The following GNB4 variants were observed in gnomAD, a reference collection of about 807,000 sequenced individuals.
The protein encoded by GNB4 is guanine nucleotide-binding protein subunit beta-4.
In GNB4, 28 loss-of-function variants were observed where a neutral mutation model predicts 45.2. The observed-to-expected ratio is 0.62, with a 90% CI of 0.46 to 0.85. The LOEUF (loss-of-function observed/expected upper bound fraction) is 0.85, where lower values mean the gene tolerates loss of function less well. Ranked by LOEUF, GNB4 falls within the 40% of genes least tolerant of loss-of-function variation. The pLI is 0.00. For synonymous variants in GNB4, 132 were observed against 143.7 expected, an observed-to-expected ratio of 0.92 and a Z score of 0.58; for missense variants, 321 against 425.4, an observed-to-expected ratio of 0.75 and a Z score of 2.16.
chr3:179,520,661 T>A, the GNB4 span, among the ~76,000 whole-genome samples: 1 of 152,114 alleles, frequency 6.6e-6, no homozygotes, highest in South Asian at 2.1e-4. Context: ...CTGTACTCAC[T>A]CTTTGTTGAG....
chr3:179,518,967 T>C, the GNB4 span, among the ~76,000 whole-genome samples: 3 of 152,166 alleles, frequency 2.0e-5, no homozygotes, highest in African/African-American at 4.8e-5. Context: ...CTTCAAGGTG[T>C]ACAATAAAAG....
intron 1 of GNB4, among the ~76,000 whole-genome samples, chr3:179,439,713 T>C (rs1358118717): frequency 6.6e-6 from 1 of 151,074 alleles, no homozygotes; most frequent in African/African-American, 2.5e-5. Flanking sequence ...GATTCGCTGA[T>C]TCAGACAAAG....
At chr3:179,450,405 G>C (rs1213798539) in intron 1 of GNB4, among the ~76,000 whole-genome samples, 3 of 152,152 alleles carry the variant, frequency 2.0e-5, no homozygotes, top group Non-Finnish European at 4.4e-5. Flanking sequence ...TGTACTTAAT[G>C]GTCATAAACT....
Position 179,413,770 on chromosome 3 carries a change from A to T in GNB4, c.442T>A (p.Cys148Ser), listed in dbSNP as rs1429474978. The part of the protein sequence containing the change: ...ELPGHTGYLS[C>S]CRFLDDSQIV... ...TGGCTGTCATCTAAAAAACGACAGC[A>T]GGACAAGTACCCTACAGCATAAAGA... The change falls in exon 7 of 10, where the codon TGC (cysteine) becomes AGC (serine). Residue 148 changes from cysteine (C) to serine (S), a missense_variant. By Grantham distance (112) the Cys-to-Ser change is moderately radical. Transcript: ENST00000232564. 1 of 1,614,022 alleles carries T rather than the reference A, an allele frequency of 6.2e-7. No individual in the cohort carries two copies. The highest frequency in any genetic ancestry group is 1.7e-5 in the Admixed American group (1 of 60,022).
At chr3:179,466,409 G>C in the GNB4 span, among the ~76,000 whole-genome samples, 1 of 151,922 alleles carries the variant, frequency 6.6e-6, no homozygotes, top group Non-Finnish European at 1.5e-5. Flanking sequence ...TTTTGGCTTT[G>C]GGCTAAGCAG....
chr3:179,458,422 G>T, the GNB4 span, among the ~76,000 whole-genome samples: 3 of 152,320 alleles, frequency 2.0e-5, 1 homozygote, highest in East Asian at 5.8e-4. Flanking sequence ...CACAGTATTG[G>T]CAGGGTAATG....
At chr3:179,474,737 C>CTTTTTTTTT in the GNB4 span, among the ~76,000 whole-genome samples, 16 of 59,722 alleles carry the variant, frequency 2.7e-4, no homozygotes, top group African/African-American at 3.7e-4. Flanking sequence ...AGACTGGGTC[C>CTTTTTTTTT]TTTTTTTTTT....
the GNB4 span, among the ~76,000 whole-genome samples, chr3:179,457,489 G>C: frequency 6.6e-6 from 1 of 152,104 alleles, no homozygotes; most frequent in Non-Finnish European, 1.5e-5. Context: ...CTCTCTCTGG[G>C]GTCTCACTCA....
chr3:179,437,422 G>A (rs1422123792), intron 1 of GNB4, among the ~76,000 whole-genome samples: 16 of 151,744 alleles, frequency 1.1e-4, no homozygotes, highest in Non-Finnish European at 2.2e-4. Context: ...AAAATCAGCC[G>A]GGCATGGTGG....
intron 1 of GNB4, among the ~76,000 whole-genome samples, chr3:179,434,176 C>T (rs1486386758): frequency 6.6e-6 from 1 of 152,160 alleles, no homozygotes; most frequent in Non-Finnish European, 1.5e-5. Context: ...AGTGTTCATA[C>T]AGCACTACTT....
intron 9 of GNB4, 105 bp downstream of exon 9, chr3:179,405,085 C>T: frequency 2.7e-6 from 2 of 734,864 alleles, no homozygotes; most frequent in Non-Finnish European, 4.4e-6. Context: ...ATCGGGTTAC[C>T]ACTTTCCACA....
chr3:179,416,385 A>G, intron 5 of GNB4, 108 bp downstream of exon 5: 2 of 660,982 alleles, frequency 3.0e-6, no homozygotes, highest in Non-Finnish European at 5.2e-6. Context: ...TAAACAATAA[A>G]TTTATCTCAG....
At chr3:179,460,816 AT>A in the GNB4 span, among the ~76,000 whole-genome samples, 1 of 151,984 alleles carries the variant, frequency 6.6e-6, no homozygotes, top group African/African-American at 2.4e-5. Flanking sequence ...GTAATATATA[AT>A]TTTTTATCTT....
At chr3:179,502,228 C>CTTTTTTTTTT in the GNB4 span, among the ~76,000 whole-genome samples, 2 of 73,464 alleles carry the variant, frequency 2.7e-5, no homozygotes, top group African/African-American at 5.1e-5. Flanking sequence ...TTTTTCTTTT[C>CTTTTTTTTTT]TTTTTTTTTT....
chr3:179,433,369 C>T (rs1162375800), intron 1 of GNB4, among the ~76,000 whole-genome samples: 3 of 152,154 alleles, frequency 2.0e-5, no homozygotes, highest in African/African-American at 7.2e-5. Context: ...CACACAGACA[C>T]ATCCACTGCT....
Position 179,415,000 on chromosome 3 carries a change from A to G in GNB4, c.315T>C (p.Tyr105=). 1.2e-5 allele frequency: 20 copies of G among 1,611,450 alleles called. No individual in the cohort carries two copies. The highest frequency in any genetic ancestry group is 1.7e-4 in the Middle Eastern group (1 of 6,052). ...AGGCAACATAATTACCAGAGGGAGC[A>G]TAAGCACAGGTCATCACCCAGGAGG... ...LRSSWVMTCA[Y]APSGNYVACG... The change falls in exon 6 of 10, where the codon TAT becomes TAC. Residue 105 remains tyrosine (Y), a synonymous_variant. Coordinates refer to ENST00000232564, the MANE Select transcript of GNB4 (RefSeq NM_021629.4).
chr3:179,464,916 C>A, the GNB4 span: 1 of 1,526,450 alleles, frequency 6.6e-7, no homozygotes. Context: ...GACATTCCAA[C>A]CCTAGGGAAG....
At chr3:179,464,663 T>C in the GNB4 span, 2 of 1,099,136 alleles carry the variant, frequency 1.8e-6, no homozygotes, top group Admixed American at 1.7e-5. Context: ...TGAAACCAGC[T>C]TCAATTTCAG....
chr3:179,450,548 T>A (rs1715841772), intron 1 of GNB4, among the ~76,000 whole-genome samples: 1 of 152,092 alleles, frequency 6.6e-6, no homozygotes, highest in Non-Finnish European at 1.5e-5. Flanking sequence ...GAAAGATGCA[T>A]CCTTATCCTT....
Sources: allele counts gnomAD v4.1 joint callset (sites outside exome capture counted in the v4.1 genomes callset), GRCh38; gene constraint gnomAD v4.1.1; transcripts MANE v1.5; gene names NCBI Gene and HGNC (gene_info 2026-07-23, HGNC 2026-07-21).